CDYL2: variants seen among roughly 807,000 people sequenced by gnomAD.
CDYL2 encodes chromodomain Y like 2.
In CDYL2, 23 loss-of-function variants were observed where a neutral mutation model predicts 49.4. That is an observed-to-expected ratio of 0.47 (90% CI 0.34 to 0.66). The LOEUF is 0.66. CDYL2 is among the 30% of genes least tolerant of loss of function. CDYL2 has a pLI of 0.01. For missense variants in CDYL2, 678 were observed against 656.4 expected (o/e 1.03, Z -0.36); for synonymous variants, 360 against 268.8 (o/e 1.34, Z -3.32).
At chr16:80,674,770 T>C in intron 2 of CDYL2, among the ~76,000 whole-genome samples, 1 of 152,282 alleles carries the variant, frequency 6.6e-6, no homozygotes, top group Non-Finnish European at 1.5e-5. Context: ...TTGCTCTTTA[T>C]GACTGAATAA....
intron 4 of CDYL2, 65 bp downstream of exon 4, chr16:80,620,698 G>A (rs928468426): frequency 5.0e-6 from 7 of 1,401,648 alleles, no homozygotes; most frequent in Non-Finnish European, 5.7e-6. Context: ...TAACTGAGCA[G>A]CCTGTATTTT....
intron 1 of CDYL2, among the ~76,000 whole-genome samples, chr16:80,707,140 T>G (rs1425944694): frequency 6.6e-6 from 1 of 152,152 alleles, no homozygotes; most frequent in African/African-American, 2.4e-5. Flanking sequence ...TTGCATTTCA[T>G]GCTAAAAAAA....
chr16:80,651,826 C>T (rs754303487), intron 2 of CDYL2, among the ~76,000 whole-genome samples: 5 of 152,150 alleles, frequency 3.3e-5, no homozygotes, highest in Non-Finnish European at 5.9e-5. Flanking sequence ...GCGGTAGGGG[C>T]TAACAATTCT....
intron 2 of CDYL2, among the ~76,000 whole-genome samples, chr16:80,667,292 C>G (rs966525336): frequency 8.5e-5 from 13 of 152,296 alleles, no homozygotes; most frequent in African/African-American, 3.1e-4. Context: ...AGCTCAGCCT[C>G]CCGTGCAGGC....
At chr16:80,709,929 A>AT (rs11358998) in intron 1 of CDYL2, among the ~76,000 whole-genome samples, 227 of 141,286 alleles carry the variant, frequency 1.6e-3, no homozygotes, top group East Asian at 2.5e-3. Flanking sequence ...CAGCAGGCTG[A>AT]TTTTTTTTTT....
At chr16:80,621,397 A>C (rs1907077995) in intron 3 of CDYL2, among the ~76,000 whole-genome samples, 2 of 152,220 alleles carry the variant, frequency 1.3e-5, no homozygotes, top group Non-Finnish European at 2.9e-5. Flanking sequence ...CATACCCCGC[A>C]CGGCCTGCAG....
intron 2 of CDYL2, among the ~76,000 whole-genome samples, chr16:80,635,965 A>G (rs1907803667): frequency 6.6e-6 from 1 of 152,262 alleles, no homozygotes; most frequent in Non-Finnish European, 1.5e-5. Flanking sequence ...CAATGGGGAA[A>G]GGATTCCCTA....
chr16:80,797,638 T>C (rs935198831), intron 1 of CDYL2, among the ~76,000 whole-genome samples: 1 of 152,200 alleles, frequency 6.6e-6, no homozygotes, highest in African/African-American at 2.4e-5. Flanking sequence ...ACTGCCTAAC[T>C]CCAAAGTTTA....
intron 2 of CDYL2, among the ~76,000 whole-genome samples, chr16:80,682,007 C>T (rs956818719): frequency 5.9e-5 from 9 of 152,204 alleles, no homozygotes; most frequent in African/African-American, 1.9e-4. Context: ...CAAAGCTCAT[C>T]TCAAAATGCG....
Position 80,692,274 on chromosome 16 carries a change from G to T in CDYL2, c.25-7145C>A, listed in dbSNP as rs551835698. ...TTCATTTCAAAAAACTGAATTATCT[G>T]CCTCATCCCCCAGCCCTCCCCCATC... On this transcript the variant is annotated intron_variant, in intron 1 of 6. Transcript: ENST00000570137. Among the ~76,000 whole-genome samples, 40 of 152,268 alleles carry T rather than the reference G, an allele frequency of 2.6e-4. No individual in the cohort carries two copies. In the South Asian group the frequency reaches 7.9e-3, roughly 30 times the overall value.
intron 1 of CDYL2, among the ~76,000 whole-genome samples, chr16:80,726,618 A>C (rs1442057322): frequency 2.0e-5 from 3 of 152,212 alleles, no homozygotes; most frequent in South Asian, 2.1e-4. Context: ...GATGAATAAT[A>C]CCTAGCATTC....
At chr16:80,723,626 T>G (rs79784665) in intron 1 of CDYL2, among the ~76,000 whole-genome samples, 1 of 152,122 alleles carries the variant, frequency 6.6e-6, no homozygotes, top group African/African-American at 2.4e-5. Context: ...CAGCAAACCA[T>G]AGCCTACAAG....
intron 1 of CDYL2, among the ~76,000 whole-genome samples, chr16:80,727,357 G>T (rs1905197037): frequency 1.3e-5 from 2 of 152,190 alleles, no homozygotes; most frequent in African/African-American, 4.8e-5. Context: ...GGAAAATCGG[G>T]TCACTCCCAC....
intron 2 of CDYL2, among the ~76,000 whole-genome samples, chr16:80,654,952 A>G (rs1908741813): frequency 6.6e-6 from 1 of 152,230 alleles, no homozygotes; most frequent in African/African-American, 2.4e-5. Flanking sequence ...AGCAACTCAG[A>G]AGGCCTTCCT....
intron 2 of CDYL2, among the ~76,000 whole-genome samples, chr16:80,640,303 G>A (rs1050924109): frequency 6.6e-6 from 1 of 152,170 alleles, no homozygotes; most frequent in African/African-American, 2.4e-5. Flanking sequence ...TGGGGCACTG[G>A]TCAGAGTCAT....
At chr16:80,748,444 G>A (rs775822976) in intron 1 of CDYL2, among the ~76,000 whole-genome samples, 3 of 141,488 alleles carry the variant, frequency 2.1e-5, no homozygotes, top group Admixed American at 7.2e-5. Context: ...GGAGAATGGC[G>A]TGAACCTGGG....
intron 1 of CDYL2, among the ~76,000 whole-genome samples, chr16:80,767,693 T>C (rs1906771687): frequency 1.3e-5 from 2 of 152,212 alleles, no homozygotes; most frequent in South Asian, 2.1e-4. Flanking sequence ...AAAGCACGTG[T>C]CTATGCAGTC....
chr16:80,673,654 C>G (rs1001876975), intron 2 of CDYL2, among the ~76,000 whole-genome samples: 2 of 152,110 alleles, frequency 1.3e-5, no homozygotes, highest in Admixed American at 6.5e-5. Context: ...ATATGCATAC[C>G]CTTTCTTCCC....
In CDYL2 at chr16:80,633,749, G is replaced by C. The variant is rs76340560; in HGVS notation, c.617-513C>G. On this transcript the variant is annotated intron_variant, in intron 2 of 6. Transcript: ENST00000570137. ...AGGGCTTCCTCAGGCGCTGCCTTGA[G>C]ATGAGAGGGGTGAATACCAAGCAGG... is the stretch of plus-strand genomic sequence containing the variant. Among the ~76,000 whole-genome samples, 474 of 152,324 alleles carry C rather than the reference G, an allele frequency of 3.1e-3. 7 individuals carry two copies. The Middle Eastern group carries it at 0.034, about 11-fold the overall frequency.
Sources: allele counts gnomAD v4.1 joint callset (sites outside exome capture counted in the v4.1 genomes callset), GRCh38; gene constraint gnomAD v4.1.1; transcripts MANE v1.5; gene names NCBI Gene and HGNC (gene_info 2026-07-23, HGNC 2026-07-21).